FGF12: variants seen among roughly 807,000 people sequenced by gnomAD.
FGF12 encodes the protein fibroblast growth factor 12.
A neutral mutation model predicts 23.6 loss-of-function variants in FGF12; 14 were observed. The observed-to-expected ratio is 0.59, with a 90% confidence interval of 0.39 to 0.93. The LOEUF is 0.93. Among genes scored for constraint, FGF12 ranks in the 40% least tolerant of loss-of-function variants. The pLI is 0.00. For synonymous variants in FGF12, 62 were observed against 77.3 expected (o/e 0.80, Z 1.04); for missense variants, 175 against 217.8 (o/e 0.80, Z 1.24).
intron 2 of FGF12, among the ~76,000 whole-genome samples, chr3:192,719,693 A>T (rs1298255472): frequency 6.6e-6 from 1 of 151,884 alleles, no homozygotes; most frequent in Non-Finnish European, 1.5e-5. Context: ...AGATTTAAAC[A>T]ATTAGAATGA....
chr3:192,653,585 T>C (rs180801107), intron 2 of FGF12, among the ~76,000 whole-genome samples: 304 of 152,354 alleles, frequency 2.0e-3, no homozygotes, highest in Middle Eastern at 6.8e-3. Context: ...ATTAAAAATA[T>C]CCAAATTAGT....
chr3:192,234,457 A>G (rs959964095), intron 4 of FGF12, among the ~76,000 whole-genome samples: 2 of 152,180 alleles, frequency 1.3e-5, no homozygotes, highest in Admixed American at 6.5e-5. Context: ...GAGGTTTTCT[A>G]GGTATAGAAT....
Position 192,206,522 on chromosome 3 carries a change from A to G in FGF12, c.229-35866T>C, listed in dbSNP as rs371730475. Among the ~76,000 whole-genome samples, 40 of 152,244 alleles carry G rather than the reference A, an allele frequency of 2.6e-4. 1 individual carries two copies. Among genetic ancestry groups the G allele is most frequent in the Non-Finnish European group, 4.4e-4 (30 of 68,050 alleles). On this transcript the variant is annotated intron_variant, in intron 4 of 5. Transcript: ENST00000445105. ...ATATCCACCAAGTTGAGACTGCTCA[A>G]TTACAAAAGAAATATTAATGCACTT...
At chr3:192,482,000 A>T in intron 2 of FGF12, among the ~76,000 whole-genome samples, 1 of 152,200 alleles carries the variant, frequency 6.6e-6, no homozygotes, top group South Asian at 2.1e-4. Context: ...GAAGAAGATA[A>T]GATGATTTTT....
At chr3:192,495,839 A>G (rs2108829370) in intron 2 of FGF12, among the ~76,000 whole-genome samples, 1 of 152,028 alleles carries the variant, frequency 6.6e-6, no homozygotes, top group African/African-American at 2.4e-5. Flanking sequence ...TAATTTATAT[A>G]TATATTTATA....
At chr3:192,531,716 G>A (rs993736308) in intron 2 of FGF12, among the ~76,000 whole-genome samples, 2 of 152,182 alleles carry the variant, frequency 1.3e-5, no homozygotes, top group Admixed American at 1.3e-4. Context: ...AGGAAGTTAT[G>A]TGAAGATAAA....
At chr3:192,252,862 T>C (rs1465091889) in intron 4 of FGF12, among the ~76,000 whole-genome samples, 2 of 152,150 alleles carry the variant, frequency 1.3e-5, no homozygotes, top group African/African-American at 4.8e-5. Flanking sequence ...TTATATCAAG[T>C]GTGCTTTTCA....
At chr3:192,235,587 G>T (rs1719251193) in intron 4 of FGF12, among the ~76,000 whole-genome samples, 1 of 152,160 alleles carries the variant, frequency 6.6e-6, no homozygotes, top group Non-Finnish European at 1.5e-5. Context: ...CTCCCAAAGT[G>T]CTGGGATTAC....
In FGF12 at chr3:192,360,499, T is replaced by C; in HGVS notation, c.53A>G (p.Gln18Arg). The C allele has an allele frequency of 6.2e-7, 1 of 1,614,000 alleles. No individual in the cohort carries two copies. The highest frequency in any genetic ancestry group is 8.5e-7 in the Non-Finnish European group (1 of 1,179,868). Residue 18 changes from glutamine (Q) to arginine (R), a missense_variant, in exon 3 of 6, where the codon CAG (glutamine) becomes CGG (arginine). Physicochemically the swap from Gln to Arg is conservative, Grantham distance 43. Coordinates refer to ENST00000445105, the MANE Select transcript of FGF12 (RefSeq NM_004113.6). This position sits in a 1 kb window ranked among gnomAD's most constrained non-coding sequence, Gnocchi z 4.3. The part of the protein sequence containing the change: ...LKGIVTRLFS[Q>R]QGYFLQMHPD... The stretch of plus-strand genomic sequence containing the variant: ...GTGCATCTGCAGGAAGTATCCCTGC[T>C]GGCTGAATAACCTTGTCACAATCCC...
chr3:192,602,103 G>T (rs781665229), intron 2 of FGF12, among the ~76,000 whole-genome samples: 1 of 152,086 alleles, frequency 6.6e-6, no homozygotes, highest in Non-Finnish European at 1.5e-5. Context: ...ATGGACTTTG[G>T]ATGATAATGA....
At chr3:192,326,270 G>A (rs1694635255) in intron 4 of FGF12, among the ~76,000 whole-genome samples, 1 of 152,144 alleles carries the variant, frequency 6.6e-6, no homozygotes, top group African/African-American at 2.4e-5. Flanking sequence ...GTTATTTGGG[G>A]CTGCAGAAAT....
chr3:192,563,987 C>T (rs554411415), intron 2 of FGF12, among the ~76,000 whole-genome samples: 1 of 152,036 alleles, frequency 6.6e-6, no homozygotes, highest in South Asian at 2.1e-4. Context: ...TCAACCTGTC[C>T]ATATATTAGG....
At chr3:192,607,395 T>A (rs1311972960) in intron 2 of FGF12, among the ~76,000 whole-genome samples, 2 of 152,072 alleles carry the variant, frequency 1.3e-5, no homozygotes, top group Non-Finnish European at 2.9e-5. Context: ...AATGTGGTGG[T>A]ATTTGGAGTT....
At chr3:192,187,927 A>C (rs1716566596) in intron 4 of FGF12, among the ~76,000 whole-genome samples, 1 of 152,188 alleles carries the variant, frequency 6.6e-6, no homozygotes, top group Non-Finnish European at 1.5e-5. Flanking sequence ...CACGGAAATA[A>C]ACAGTAGCAG....
chr3:192,649,246 T>G (rs2108674513), intron 2 of FGF12, among the ~76,000 whole-genome samples: 1 of 152,254 alleles, frequency 6.6e-6, no homozygotes, highest in East Asian at 1.9e-4. Flanking sequence ...AGAGGATTGA[T>G]CGCCACAGCC....
intron 3 of FGF12, among the ~76,000 whole-genome samples, chr3:192,358,965 G>A (rs905809854): frequency 1.3e-5 from 2 of 152,158 alleles, no homozygotes; most frequent in African/African-American, 4.8e-5. Context: ...ACACAAATAA[G>A]TGGTTCCCTG....
At chr3:192,721,004 A>C (rs965729520) in intron 2 of FGF12, among the ~76,000 whole-genome samples, 11 of 152,182 alleles carry the variant, frequency 7.2e-5, no homozygotes, top group Non-Finnish European at 1.5e-4. Flanking sequence ...CCAAACCCAT[A>C]AGATGTAGAG....
At chr3:192,231,186 A>T (rs78771181) in intron 4 of FGF12, among the ~76,000 whole-genome samples, 7,266 of 152,228 alleles carry the variant, frequency 0.048, 240 homozygotes, top group South Asian at 0.08. Flanking sequence ...TATTTTAAAT[A>T]TTGTTGATAT....
intron 2 of FGF12, among the ~76,000 whole-genome samples, chr3:192,620,362 C>T (rs955162928): frequency 1.3e-5 from 2 of 152,122 alleles, no homozygotes; most frequent in East Asian, 1.9e-4. Context: ...TTACAGTAAT[C>T]GGAGAGTTTG....
Sources: gnomAD v4.1 joint callset for allele counts (sites outside exome capture counted in the v4.1 genomes callset) on GRCh38, gnomAD v4.1.1 for gene constraint, Gnocchi (gnomAD v3.1) non-coding constraint, MANE v1.5 for transcripts, NCBI Gene and HGNC (gene_info 2026-07-23, HGNC 2026-07-21) for gene names.